The following CARS2 variants were observed in gnomAD, a reference collection of about 807,000 sequenced individuals.
CARS2 encodes the protein probable cysteine--tRNA ligase, mitochondrial.
A neutral mutation model predicts 68.8 loss-of-function variants in CARS2; 52 were observed. That is an observed-to-expected ratio of 0.76 (90% CI 0.61 to 0.95). The LOEUF (loss-of-function observed/expected upper bound fraction) is 0.95, where lower values mean the gene tolerates loss of function less well. CARS2 is among the 40% of genes least tolerant of loss of function. The pLI is 0.00. For missense variants in CARS2, 780 were observed against 754.2 expected (o/e 1.03, Z -0.40); for synonymous variants, 314 against 303.6 (o/e 1.03, Z -0.36).
chr13:110,641,516 G>T lies in CARS2; in HGVS notation c.*21C>A, dbSNP rs776457985. On this transcript the variant is annotated 3_prime_UTR_variant, in exon 15 of 15. Coordinates refer to ENST00000257347, the MANE Select transcript of CARS2 (RefSeq NM_024537.4). ...CATGGGTGCGTCTTGTCGTGAGCAG[G>T]TTCATGGCTGTGCTCCATCCTCAGC... is the stretch of plus-strand genomic sequence containing the variant. 7 of 1,600,302 alleles carry T rather than the reference G, an allele frequency of 4.4e-6. No individual in the cohort carries two copies. In the South Asian group the frequency reaches 7.7e-5, roughly 18 times the overall value.
intron 5 of CARS2, among the ~76,000 whole-genome samples, chr13:110,685,992 G>GAAAAAAAAA (rs10668818): frequency 9.3e-5 from 12 of 128,768 alleles, no homozygotes; most frequent in Non-Finnish European, 9.4e-5. Flanking sequence ...CAGAAAAAAT[G>GAAAAAAAAA]AAAAAAAAAA....
chr13:110,644,226 T>C, intron 13 of CARS2, 159 bp downstream of exon 13: 3 of 1,421,228 alleles, frequency 2.1e-6, no homozygotes, highest in Non-Finnish European at 2.9e-6. Context: ...AAGTATTGGC[T>C]CTGAGTGTGT....
intron 3 of CARS2, among the ~76,000 whole-genome samples, chr13:110,698,507 T>C (rs1372275334): frequency 2.7e-5 from 4 of 147,754 alleles, no homozygotes. Context: ...GCAACAAGAG[T>C]GAAATTCTGT....
chr13:110,684,131 G>A (rs1260608873), intron 5 of CARS2, among the ~76,000 whole-genome samples: 4 of 152,176 alleles, frequency 2.6e-5, no homozygotes, highest in African/African-American at 9.7e-5. Flanking sequence ...CTAGGAAGGA[G>A]GCAATGCTCA....
At chr13:110,667,133 T>C (rs2062670018) in intron 8 of CARS2, among the ~76,000 whole-genome samples, 2 of 152,244 alleles carry the variant, frequency 1.3e-5, no homozygotes, top group Non-Finnish European at 2.9e-5. Context: ...TTCCATATTC[T>C]AGTCAGTTCC....
intron 3 of CARS2, among the ~76,000 whole-genome samples, chr13:110,689,406 T>G (rs2063394262): frequency 6.6e-6 from 1 of 152,190 alleles, no homozygotes. Flanking sequence ...ACGCCACACG[T>G]GGGGCCAGGT....
chr13:110,709,934 T>C (rs1046493359), upstream of CARS2, among the ~76,000 whole-genome samples: 6 of 152,098 alleles, frequency 3.9e-5, no homozygotes, highest in Non-Finnish European at 8.8e-5. Context: ...ATGACAACAA[T>C]AACAAAATCA....
upstream of CARS2, chr13:110,707,651 A>T (rs1243480108): frequency 2.0e-5 from 3 of 152,090 alleles, no homozygotes; most frequent in African/African-American, 7.2e-5. Flanking sequence ...CGCCTGAAAA[A>T]AAAAAAAAGT....
chr13:110,646,434 A>G (rs906389587), intron 11 of CARS2: 3 of 183,016 alleles, frequency 1.6e-5, no homozygotes, highest in Admixed American at 6.2e-5. Flanking sequence ...CTGACCACTC[A>G]CAAAGAGAGG....
rs1215392734 is a variant in CARS2, at chr13:110,713,182, G to A, written n.354C>T. ...ATCGTGATTGGGCTGTCAAAGTGAT[G>A]TTGGCAAGTAGATTGGCTACTGCGG... is the stretch of plus-strand genomic sequence containing the variant. On this transcript the variant is annotated non_coding_transcript_exon_variant, in exon 1 of 3. Transcript: ENST00000485188. 4.9e-6 allele frequency: 7 copies of A among 1,424,884 alleles called. No individual in the cohort carries two copies. In the East Asian group the frequency reaches 7.5e-5, roughly 15 times the overall value. The allele number at this position is 1,424,884 out of a possible 1,614,324, so 88.3% of individuals were successfully genotyped here. A position where few individuals can be genotyped will look rare whatever the true frequency, so the allele number is the denominator to read the frequency against.
chr13:110,713,132 C>G (rs982843898), intron 1 of CARS2: 8 of 1,429,748 alleles, frequency 5.6e-6, no homozygotes, highest in Non-Finnish European at 7.3e-6. Context: ...GGGGGCATTA[C>G]TCACGGTCTC....
chr13:110,706,036 C>T lies in CARS2; in HGVS notation c.58G>A (p.Gly20Ser). 1 of 1,383,088 alleles carries T rather than the reference C, an allele frequency of 7.2e-7. No individual in the cohort carries two copies. Among genetic ancestry groups the T allele is most frequent in the South Asian group, 1.7e-5 (1 of 60,108 alleles). 85.7% of individuals were successfully genotyped at this position (1,383,088 alleles called of 1,614,324 possible). ...CAGTGCCACCCAGCCCGCCCAAGGC[C>T]CAGCGCGGCCTGGAGCAGCGGGGGG... is the stretch of plus-strand genomic sequence containing the variant. ...LGPPLLQAAL[G>S]LGRAGWHWPA... The change falls in exon 1 of 15, where the codon GGC becomes AGC. Residue 20 changes from glycine (G) to serine (S), a missense_variant. Transcript: ENST00000257347.
chr13:110,695,877 A>T (rs2063609613), intron 3 of CARS2, among the ~76,000 whole-genome samples: 1 of 151,712 alleles, frequency 6.6e-6, no homozygotes, highest in East Asian at 1.9e-4. Flanking sequence ...TGCTGCACCC[A>T]TCAACCCGTC....
At chr13:110,689,554 T>C (rs951289544) in intron 3 of CARS2, among the ~76,000 whole-genome samples, 1 of 152,240 alleles carries the variant, frequency 6.6e-6, no homozygotes, top group Non-Finnish European at 1.5e-5. Flanking sequence ...CTTTGGGGTC[T>C]TGGGCAAATC....
At chr13:110,699,803 C>T (rs953817323) in intron 3 of CARS2, among the ~76,000 whole-genome samples, 16 of 152,250 alleles carry the variant, frequency 1.1e-4, no homozygotes, top group Admixed American at 1.3e-4. Flanking sequence ...AAAGCCCTTC[C>T]GGTAGAAGTG....
chr13:110,672,473 C>T (rs146113619), intron 7 of CARS2, among the ~76,000 whole-genome samples: 1,811 of 152,242 alleles, frequency 0.012, 45 homozygotes, highest in African/African-American at 0.042. Flanking sequence ...CTACTGGGTA[C>T]ATAATGAAAT....
At chr13:110,710,742 G>T (rs551840327), upstream of CARS2, among the ~76,000 whole-genome samples, 1 of 152,276 alleles carries the variant, frequency 6.6e-6, no homozygotes, top group East Asian at 1.9e-4. Flanking sequence ...TGGGCTAAAA[G>T]TTTTATGGAA....
At chr13:110,692,379 G>A (rs1158365152) in intron 3 of CARS2, among the ~76,000 whole-genome samples, 1 of 151,798 alleles carries the variant, frequency 6.6e-6, no homozygotes, top group Non-Finnish European at 1.5e-5. Flanking sequence ...GCTGAGGCAG[G>A]AGAATCGCCT....
chr13:110,654,603 G>A (rs2062312751), intron 9 of CARS2, among the ~76,000 whole-genome samples: 1 of 151,830 alleles, frequency 6.6e-6, no homozygotes, highest in African/African-American at 2.4e-5. Flanking sequence ...TTAAAATCTA[G>A]TTGCCATTCT....
Sources: gnomAD v4.1 joint callset for allele counts (sites outside exome capture counted in the v4.1 genomes callset) on GRCh38, gnomAD v4.1.1 for gene constraint, MANE v1.5 for transcripts, NCBI Gene and HGNC (gene_info 2026-07-23, HGNC 2026-07-21) for gene names.